The following SPEF2 variants were observed in gnomAD, a reference collection of about 807,000 sequenced individuals.
SPEF2 encodes the protein sperm flagellar and cilia associated 2.
In SPEF2, 187 loss-of-function variants were observed where a neutral mutation model predicts 224.6. The ratio of observed to expected loss-of-function variants is 0.83; its 90% CI spans 0.74 to 0.94. The LOEUF (loss-of-function observed/expected upper bound fraction) is 0.94. SPEF2 is among the 40% of genes least tolerant of loss of function. SPEF2 has a pLI of 0.00. For missense variants in SPEF2, 2,170 were observed against 2,135.6 expected (o/e 1.02, Z -0.32); for synonymous variants, 715 against 707.3 (o/e 1.01, Z -0.17).
rs1268645833 is a variant in SPEF2 at position 35,804,905 on chromosome 5, C to T, written c.5011-1802C>T. The stretch of plus-strand genomic sequence containing the variant: ...TATGTTTATCTTGGGTACACAGAAC[C>T]TATGCTACACTCTGAATAGAAATTT... On this transcript the variant is annotated intron_variant, in intron 34 of 36. Coordinates refer to ENST00000356031, the MANE Select transcript of SPEF2 (RefSeq NM_024867.4). 2.0e-5 allele frequency among the ~76,000 whole-genome samples: 3 copies of T among 152,024 alleles called. No homozygotes were observed. The East Asian group carries it at 5.8e-4, about 29-fold the overall frequency.
At chr5:35,746,335 GA>G (rs1748518304) in intron 23 of SPEF2, among the ~76,000 whole-genome samples, 1 of 152,104 alleles carries the variant, frequency 6.6e-6, no homozygotes, top group Non-Finnish European at 1.5e-5. Flanking sequence ...TGATTTATCT[GA>G]AAAAGAATTC....
intron 10 of SPEF2, among the ~76,000 whole-genome samples, chr5:35,674,916 T>G (rs1751715135): frequency 6.6e-6 from 1 of 152,196 alleles, no homozygotes; most frequent in Non-Finnish European, 1.5e-5. Flanking sequence ...AGTTGCTTGT[T>G]TTATGGCCTC....
In SPEF2 at chr5:35,705,717, G is replaced by T; in HGVS notation, c.2574G>T (p.Leu858Phe). The change falls in exon 18 of 37, where the codon TTG becomes TTT. Residue 858 changes from leucine to phenylalanine, a missense_variant. Physicochemically the swap from Leu to Phe is conservative, Grantham distance 22 (BLOSUM62 0). Transcript: ENST00000356031. ...EQWFSEPENI[L>F]IKINAEIDKE... ...GGTTTTCAGAGCCAGAAAATATTTTGATAAAAATCAATGCTGAAATAGATA... is the reference window on the plus strand; with the variant it reads ...GGTTTTCAGAGCCAGAAAATATTTTTATAAAAATCAATGCTGAAATAGATA... The T allele has an allele frequency of 1.3e-6, 2 of 1,591,132 alleles. No homozygotes were observed. The highest frequency in any genetic ancestry group is 2.3e-5 in the South Asian group (2 of 86,098).
chr5:35,676,639 G>T (rs1752061889), intron 10 of SPEF2, among the ~76,000 whole-genome samples: 1 of 152,028 alleles, frequency 6.6e-6, no homozygotes, highest in South Asian at 2.1e-4. Context: ...TAAGGCACAA[G>T]AATCCCTTGA....
At position 35,792,378 on chromosome 5, in the gene SPEF2, G is replaced by A. The variant is rs758237434; in HGVS notation, c.4486G>A (p.Asp1496Asn). ...TAAAGCATTTACTGACATTCTGATC[G>A]ATTTGGTGACCCTGAACCTTGGCAC... ...GNKAFTDILI[D>N]LVTLNLGTNN... The change falls in exon 31 of 37, where the codon GAT becomes AAT. Residue 1496 changes from aspartate to asparagine, a missense_variant. Transcript: ENST00000356031. 2.1e-5 allele frequency: 34 copies of A among 1,613,576 alleles called. No individual in the cohort carries two copies. Among genetic ancestry groups the A allele is most frequent in the Middle Eastern group, 1.6e-4 (1 of 6,082 alleles).
intron 1 of SPEF2, among the ~76,000 whole-genome samples, chr5:35,619,251 A>G (rs959202899): frequency 2.0e-5 from 3 of 152,226 alleles, no homozygotes; most frequent in Non-Finnish European, 4.4e-5. Flanking sequence ...TGAGGACAAT[A>G]TTTAGCATTT....
intron 10 of SPEF2, among the ~76,000 whole-genome samples, chr5:35,677,017 A>G (rs2149494477): frequency 6.6e-6 from 1 of 152,256 alleles, no homozygotes; most frequent in East Asian, 1.9e-4. Flanking sequence ...GGGGTGGCTT[A>G]TACCTCTTTG....
chr5:35,767,386 CT>C (rs879821240), intron 26 of SPEF2, among the ~76,000 whole-genome samples: 3 of 151,656 alleles, frequency 2.0e-5, no homozygotes, highest in Non-Finnish European at 2.9e-5. Context: ...GTCTTTTCTG[CT>C]TTTTTTCCCC....
At chr5:35,782,778 T>C (rs1580716918) in intron 30 of SPEF2, among the ~76,000 whole-genome samples, 1 of 144,620 alleles carries the variant, frequency 6.9e-6, no homozygotes, top group African/African-American at 2.9e-5. Flanking sequence ...AAAGATAACA[T>C]AAAATTGAAA....
At chr5:35,778,586 C>G (rs1753920149) in intron 29 of SPEF2, among the ~76,000 whole-genome samples, 1 of 152,142 alleles carries the variant, frequency 6.6e-6, no homozygotes, top group African/African-American at 2.4e-5. Context: ...ACAACAGAGG[C>G]TATTCTGACA....
intron 18 of SPEF2, among the ~76,000 whole-genome samples, chr5:35,707,640 G>A (rs914855260): frequency 6.6e-6 from 1 of 152,134 alleles, no homozygotes; most frequent in African/African-American, 2.4e-5. Flanking sequence ...GGGCAGTCAG[G>A]GAGGGTGTGC....
intron 20 of SPEF2, among the ~76,000 whole-genome samples, chr5:35,727,086 A>G (rs570965217): frequency 6.7e-6 from 1 of 148,434 alleles, no homozygotes; most frequent in East Asian, 2.0e-4. Context: ...CACAGCAACT[A>G]CCTTCATCTT....
intron 25 of SPEF2, among the ~76,000 whole-genome samples, chr5:35,762,580 G>C (rs1751461143): frequency 6.6e-6 from 1 of 152,114 alleles, no homozygotes; most frequent in Non-Finnish European, 1.5e-5. Context: ...AGCAACTTGA[G>C]TCTACAAAAC....
Position 35,641,500 on chromosome 5 carries a change from T to C in SPEF2, c.231T>C (p.Phe77=). ...CACTTAACCTTCTGGGTGTGCAGTT[T>C]GATCAGAATGTGGCCCATGGCATCA... The part of the protein sequence containing the change: ...EPTLNLLGVQ[F]DQNVAHGIIT... The change falls in exon 3 of 37, where the codon TTT becomes TTC. Residue 77 remains phenylalanine, a synonymous_variant. Transcript: ENST00000356031. 6.2e-7 allele frequency: 1 copy of C among 1,613,846 alleles called. No homozygotes were observed. Among genetic ancestry groups the C allele is most frequent in the South Asian group, 1.1e-5 (1 of 91,076 alleles).
chr5:35,683,305 A>G (rs754799528), intron 10 of SPEF2, among the ~76,000 whole-genome samples: 16 of 152,152 alleles, frequency 1.1e-4, no homozygotes, highest in Non-Finnish European at 2.2e-4. Context: ...AGTGCTGGAA[A>G]GGTCAGTGTA....
rs753153824 is a variant in SPEF2, at chr5:35,759,678, G to T, written c.3579G>T (p.Leu1193Phe). The change falls in exon 25 of 37, where the codon TTG becomes TTT. Residue 1193 changes from leucine (L) to phenylalanine (F), a missense_variant. Transcript: ENST00000356031. ...EDNKRFTRIP[L>F]VQLDSKDNSE... The stretch of plus-strand genomic sequence containing the variant: ...ACAAGAGATTTACTCGAATCCCTTT[G>T]GTCCAACTGGATAGTAAAGACAATT... 6.2e-7 allele frequency: 1 copy of T among 1,607,194 alleles called. No individual in the cohort carries two copies. Among genetic ancestry groups the T allele is most frequent in the Non-Finnish European group, 8.5e-7 (1 of 1,175,334 alleles).
chr5:35,784,143 T>G (rs939195462), intron 30 of SPEF2, among the ~76,000 whole-genome samples: 1 of 152,018 alleles, frequency 6.6e-6, no homozygotes, highest in Non-Finnish European at 1.5e-5. Flanking sequence ...TTTTTTTTTT[T>G]TTGAGATGGG....
intron 23 of SPEF2, among the ~76,000 whole-genome samples, chr5:35,749,619 T>C (rs547323502): frequency 6.6e-6 from 1 of 150,680 alleles, no homozygotes; most frequent in Non-Finnish European, 1.5e-5. Flanking sequence ...GCAAAAAAAA[T>C]GAAATACTTA....
chr5:35,751,001 A>ATATATATATATACG (rs1561304507), intron 23 of SPEF2, among the ~76,000 whole-genome samples: 8 of 91,600 alleles, frequency 8.7e-5, no homozygotes, highest in South Asian at 4.2e-4. Flanking sequence ...ATATATGTAT[A>ATATATATATATACG]TATATATATA....
Sources: allele counts gnomAD v4.1 joint callset (sites outside exome capture counted in the v4.1 genomes callset), GRCh38; gene constraint gnomAD v4.1.1; transcripts MANE v1.5; gene names NCBI Gene and HGNC (gene_info 2026-07-23, HGNC 2026-07-21).